The following PCNT variants were observed in gnomAD, a reference collection of about 807,000 sequenced individuals.
The protein encoded by PCNT is pericentrin, also known as kendrin.
PCNT carries 319 observed loss-of-function variants against 380.4 expected under a neutral mutation model. The ratio of observed to expected loss-of-function variants is 0.84; its 90% confidence interval spans 0.77 to 0.92. The LOEUF (loss-of-function observed/expected upper bound fraction) is 0.92. Ranked by LOEUF, PCNT falls within the 40% of genes least tolerant of loss-of-function variation. The pLI, the probability that PCNT is intolerant of heterozygous loss-of-function variation, is 0.00. For missense variants in PCNT, 4,400 were observed against 4,255.3 expected, an observed-to-expected ratio of 1.03 and a Z score of -0.95; for synonymous variants, 1,845 against 1,735.2, an observed-to-expected ratio of 1.06 and a Z score of -1.57.
intron 14 of PCNT, among the ~76,000 whole-genome samples, chr21:46,364,135 G>A (rs1477069843): frequency 1.3e-5 from 2 of 152,240 alleles, no homozygotes; most frequent in Non-Finnish European, 2.9e-5. Flanking sequence ...CAGGCTGGCA[G>A]TTGCCATCCT....
intron 19 of PCNT, among the ~76,000 whole-genome samples, 187 bp from the exon 20 acceptor site, chr21:46,390,483 T>TG (rs2085994153): frequency 6.7e-6 from 1 of 149,176 alleles, no homozygotes; most frequent in Non-Finnish European, 1.5e-5. Context: ...GGGTCCTCAT[T>TG]GGAGACTGTG....
chr21:46,347,796 G>A (rs1195500318), intron 6 of PCNT, among the ~76,000 whole-genome samples: 1 of 152,202 alleles, frequency 6.6e-6, no homozygotes, highest in African/African-American at 2.4e-5. Context: ...CCTGAGCTGT[G>A]TTCTGGGACA....
intron 2 of PCNT, among the ~76,000 whole-genome samples, chr21:46,327,713 A>C (rs1042416919): frequency 1.3e-5 from 2 of 152,230 alleles, no homozygotes; most frequent in African/African-American, 4.8e-5. Flanking sequence ...GGGACATTTA[A>C]AACATAATAT....
At chr21:46,404,137 T>C (rs1453085124) in intron 27 of PCNT, among the ~76,000 whole-genome samples, 3 of 68,632 alleles carry the variant, frequency 4.4e-5, no homozygotes, top group African/African-American at 6.3e-5. Context: ...GTGGGAGAAT[T>C]GTGTGTGTGT....
At chr21:46,366,519 C>G (rs1364791326) in intron 14 of PCNT, 65 bp from the exon 15 acceptor site, 2 of 1,420,296 alleles carry the variant, frequency 1.4e-6, no homozygotes, top group Admixed American at 3.4e-5. Context: ...ACTGACTTGG[C>G]TTTTGCAAGG....
Position 46,397,433 on chromosome 21 carries a change from C to T in PCNT, c.4385C>T (p.Ala1462Val). The part of the protein sequence containing the change: ...GCAKQAEAVT[A>V]LEQQVASLDK... Reference sequence around the variant, plus strand: ...GCCAAGCAGGCGGAGGCCGTCACTGCCCTGGAACAGCAGGTGGCATCTCTG... The same window carrying T: ...GCCAAGCAGGCGGAGGCCGTCACTGTCCTGGAACAGCAGGTGGCATCTCTG... Residue 1462 changes from alanine (A) to valine (V), a missense_variant, in exon 22 of 47, where the codon GCC becomes GTC. Physicochemically the swap from Ala to Val is moderately conservative, Grantham distance 64. Transcript: ENST00000359568. 1.9e-6 allele frequency: 3 copies of T among 1,614,198 alleles called. No homozygotes were observed. The highest frequency in any genetic ancestry group is 1.7e-6 in the Non-Finnish European group (2 of 1,180,032).
At chr21:46,434,488 C>T (rs543759274) in intron 38 of PCNT, among the ~76,000 whole-genome samples, 3 of 152,248 alleles carry the variant, frequency 2.0e-5, no homozygotes, top group Non-Finnish European at 4.4e-5. Context: ...CTGGATCTGT[C>T]TTTGTGTTGT....
Position 46,326,417 on chromosome 21 carries a change from C to A in PCNT, c.95C>A (p.Ser32Ter). 1 of 1,614,176 alleles carries A rather than the reference C, an allele frequency of 6.2e-7. No individual in the cohort carries two copies. The highest frequency in any genetic ancestry group is 8.5e-7 in the Non-Finnish European group (1 of 1,180,042). ...CAGAGAAAAACAAAAGGTGACAGTT[C>A]GCATTCGGAGAAAAAGACGGCGAAG... ...FRQRKTKGDS[S>*]HSEKKTAKRK... is the part of the protein sequence containing the mutation. The change falls in exon 2 of 47, where the codon TCG (serine) becomes TAG (stop). Residue 32 changes from serine (S) to a stop codon, truncating the protein, a stop_gained. Coordinates refer to ENST00000359568, the MANE Select transcript of PCNT (RefSeq NM_006031.6). LOFTEE classifies it high-confidence loss of function.
chr21:46,324,240 G>T lies in PCNT; in HGVS notation c.12G>T (p.Glu4Asp). The T allele has an allele frequency of 1.2e-6, 2 of 1,612,074 alleles. No individual in the cohort carries two copies. The highest frequency in any genetic ancestry group is 1.7e-6 in the Non-Finnish European group (2 of 1,179,072). Residue 4 changes from glutamate to aspartate, a missense_variant, in exon 1 of 47, where the codon GAG (glutamate) becomes GAT (aspartate). Glu to Asp is a conservative substitution (Grantham distance 45). Coordinates refer to ENST00000359568, the MANE Select transcript of PCNT (RefSeq NM_006031.6). ...GGAGTCTGAGGGAGATGGAAGTTGA[G>T]CAAGAGCAGCGGCGCAGAAAGGTGG... is the stretch of plus-strand genomic sequence containing the variant. Reference protein sequence around the residue: MEVEQEQRRRKVEA... With the variant: MEVDQEQRRRKVEA...
In PCNT at chr21:46,416,168, A is replaced by G. The variant is rs766745764; in HGVS notation, c.6250A>G (p.Met2084Val). 8 of 1,614,202 alleles carry G rather than the reference A, an allele frequency of 5.0e-6. No homozygotes were observed. The highest frequency in any genetic ancestry group is 2.2e-5 in the South Asian group (2 of 91,078). The change falls in exon 30 of 47, where the codon ATG becomes GTG. Residue 2084 changes from methionine (M) to valine (V), a missense_variant. Coordinates refer to ENST00000359568, the MANE Select transcript of PCNT (RefSeq NM_006031.6). ...AAAACTGAACCGTTTGCTGTATTCC[A>G]TGACCTTCCAGAATGTGGATGCTGC... is the stretch of plus-strand genomic sequence containing the variant. Reference protein sequence around the residue: ...QEKLNRLLYSMTFQNVDAADT... With the variant: ...QEKLNRLLYSVTFQNVDAADT...
At chr21:46,413,895 C>T (rs566340835) in intron 29 of PCNT, among the ~76,000 whole-genome samples, 1 of 152,308 alleles carries the variant, frequency 6.6e-6, no homozygotes, top group African/African-American at 2.4e-5. Context: ...CCCAGTGCAC[C>T]AGGGGCAGGT....
intron 3 of PCNT, among the ~76,000 whole-genome samples, chr21:46,344,219 G>A (rs1435534904): frequency 1.3e-5 from 2 of 151,848 alleles, no homozygotes; most frequent in Non-Finnish European, 1.5e-5. Context: ...GACTACAGGC[G>A]CCTGCCACCA....
In PCNT at chr21:46,427,600, C is replaced by T. The variant is rs538606043; in HGVS notation, c.7321-22C>T. 76 of 1,613,746 alleles carry T rather than the reference C, an allele frequency of 4.7e-5. No individual in the cohort carries two copies. In the Admixed American group the frequency reaches 6.7e-4, roughly 14 times the overall value. ...TGCAGGTGCATTTGTGAGGACGCCACGTTTCTTCCTTCTTCCTTTAGGAAG... is the reference window on the plus strand; with the variant it reads ...TGCAGGTGCATTTGTGAGGACGCCATGTTTCTTCCTTCTTCCTTTAGGAAG... On this transcript the variant is annotated intron_variant, in intron 33 of 46. Coordinates refer to ENST00000359568, the MANE Select transcript of PCNT (RefSeq NM_006031.6).
chr21:46,372,134 TCA>T (rs1251637192), intron 15 of PCNT, among the ~76,000 whole-genome samples: 1 of 114,270 alleles, frequency 8.8e-6, no homozygotes, highest in Non-Finnish European at 1.8e-5. Flanking sequence ...TGCAGCACAC[TCA>T]CAGCACATGT....
chr21:46,401,433 C>T (rs151320916), intron 25 of PCNT, 118 bp from the exon 26 acceptor site: 20 of 837,640 alleles, frequency 2.4e-5, no homozygotes, highest in Non-Finnish European at 3.2e-5. Flanking sequence ...CAGGGGCGTG[C>T]AGGTCCACCT....
In PCNT at chr21:46,416,105, A is replaced by G; in HGVS notation, c.6187A>G (p.Lys2063Glu). The change falls in exon 30 of 47, where the codon AAG becomes GAG. Residue 2063 changes from lysine (K) to glutamate (E), a missense_variant. By Grantham distance (56) the Lys-to-Glu change is moderately conservative (BLOSUM62 1). Coordinates refer to ENST00000359568, the MANE Select transcript of PCNT (RefSeq NM_006031.6). ...EKVLEDCQLP[K>E]VDLVAQVKQL... ...AGTACTGGAAGATTGTCAGCTGCCG[A>G]AGGTCGATCTCGTAGCTCAGGTGAA... 6.2e-7 allele frequency: 1 copy of G among 1,614,120 alleles called. No individual in the cohort carries two copies. The highest frequency in any genetic ancestry group is 8.5e-7 in the Non-Finnish European group (1 of 1,180,026).
intron 27 of PCNT, among the ~76,000 whole-genome samples, chr21:46,402,819 C>G (rs1159561508): frequency 1.3e-5 from 2 of 152,116 alleles, no homozygotes; most frequent in African/African-American, 4.8e-5. Context: ...GCTTGCTCTT[C>G]TCAAGGAGGT....
At chr21:46,424,504 C>A (rs2087404923) in intron 32 of PCNT, among the ~76,000 whole-genome samples, 1 of 152,264 alleles carries the variant, frequency 6.6e-6, no homozygotes, top group Admixed American at 6.5e-5. Context: ...TGCAAGGGCC[C>A]CGTGTCACCT....
At chr21:46,393,544 G>A (rs964602341) in intron 21 of PCNT, among the ~76,000 whole-genome samples, 11 of 152,042 alleles carry the variant, frequency 7.2e-5, no homozygotes, top group African/African-American at 2.4e-4. Context: ...GCCACACCCC[G>A]CCGGGGGAGA....
Sources: gnomAD v4.1 joint callset for allele counts (sites outside exome capture counted in the v4.1 genomes callset) on GRCh38, gnomAD v4.1.1 for gene constraint, MANE v1.5 for transcripts, NCBI Gene and HGNC (gene_info 2026-07-23, HGNC 2026-07-21) for gene names.